Variants in MBP observed in about 807,000 individuals in gnomAD.
MBP encodes myelin basic protein, also known as Golli-MBP.
MBP carries 16 observed loss-of-function variants against 35.8 expected under a neutral mutation model. The ratio of observed to expected loss-of-function variants is 0.45; its 90% CI spans 0.30 to 0.68. The LOEUF is 0.68. Ranked by LOEUF, MBP falls within the 30% of genes least tolerant of loss-of-function variation. MBP has a pLI of 0.08. For synonymous variants in MBP, 143 were observed against 159.6 expected, an observed-to-expected ratio of 0.90 and a Z score of 0.78; for missense variants, 380 against 404.7, an observed-to-expected ratio of 0.94 and a Z score of 0.52.
At chr18:77,107,279 C>T (rs919596052) in intron 1 of MBP, among the ~76,000 whole-genome samples, 1 of 152,114 alleles carries the variant, frequency 6.6e-6, no homozygotes, top group African/African-American at 2.4e-5. Flanking sequence ...TTTGCCCATC[C>T]AGACATAAAT....
chr18:76,992,297 C>T (rs1329788859), intron 4 of MBP, among the ~76,000 whole-genome samples: 1 of 152,190 alleles, frequency 6.6e-6, no homozygotes, highest in African/African-American at 2.4e-5. Flanking sequence ...TGCACAACCT[C>T]GATCCCTCGA....
At position 76,979,961 on chromosome 18, in the gene MBP, GA is replaced by G. The variant is rs34008680; in HGVS notation, c.*465del. 1.7e-4 allele frequency: 117 copies of G among 692,782 alleles called. No homozygotes were observed. The highest frequency in any genetic ancestry group is 2.3e-4 in the Middle Eastern group (1 of 4,320). The allele number at this position is 692,782 out of a possible 1,614,324, so 42.9% of individuals were successfully genotyped here. The stretch of plus-strand genomic sequence containing the variant: ...ACTTTAGGAGGTGAGAGAAGGACAG[GA>G]AAAAAAAACAAAGGAAGCTTGGATG... On this transcript the variant is annotated 3_prime_UTR_variant, in exon 9 of 9. Transcript: ENST00000355994.
intron 3 of MBP, among the ~76,000 whole-genome samples, chr18:77,029,706 A>G (rs1910145349): frequency 6.6e-6 from 1 of 152,112 alleles, no homozygotes; most frequent in Admixed American, 6.6e-5. Flanking sequence ...TTGGTAGCGC[A>G]TCTAGTTAGG....
At position 77,066,284 on chromosome 18, in the gene MBP, T is replaced by A; in HGVS notation, c.139+14A>T. On this transcript the variant is annotated intron_variant, in intron 3 of 8. Coordinates refer to ENST00000355994, the MANE Select transcript of MBP (RefSeq NM_001025101.2). ...ACCATGTGGCGCCATGTTGCCGATA[T>A]CTGCGTCACCTACCGAACACTTCGT... 2 of 1,607,308 alleles carry A rather than the reference T, an allele frequency of 1.2e-6. No individual in the cohort carries two copies.
At chr18:77,111,481 C>T (rs1976448293) in intron 1 of MBP, among the ~76,000 whole-genome samples, 1 of 152,234 alleles carries the variant, frequency 6.6e-6, no homozygotes, top group Non-Finnish European at 1.5e-5. Flanking sequence ...TGTAGAGACG[C>T]TAAAGGCCAG....
intron 4 of MBP, chr18:77,009,831 G>T: frequency 6.4e-7 from 1 of 1,558,646 alleles, no homozygotes; most frequent in Non-Finnish European, 8.7e-7. Flanking sequence ...GATGGGTGAG[G>T]ACCCGCCGGC....
At chr18:77,105,127 T>G (rs775812405) in intron 2 of MBP, 84 bp downstream of exon 2, 95 of 1,295,120 alleles carry the variant, frequency 7.3e-5, no homozygotes, top group Non-Finnish European at 1.0e-4. Flanking sequence ...CAAGAGCCCA[T>G]GCCCGTAGCC....
chr18:77,131,589 G>A lies in MBP; in HGVS notation c.-26+991C>T. 1 of 152,294 alleles carries A rather than the reference G, an allele frequency of 6.6e-6. No homozygotes were observed. The highest frequency in any genetic ancestry group is 1.5e-5 in the Non-Finnish European group (1 of 68,054). The allele number at this position is 152,294 out of a possible 1,614,324, so 9.4% of individuals were successfully genotyped here. ...AGGAACCAGAGCTCGCCTGTTTCCA[G>A]CCAGAGTCGCACGGGGGTCCCCAAA... On this transcript the variant is annotated intron_variant, in intron 1 of 8. Coordinates refer to ENST00000355994, the MANE Select transcript of MBP (RefSeq NM_001025101.2). The surrounding 1 kb of genome is among the most constrained non-coding windows in gnomAD (Gnocchi z 5.5).
chr18:76,999,754 T>C (rs1409431296), intron 4 of MBP, among the ~76,000 whole-genome samples: 2 of 152,124 alleles, frequency 1.3e-5, no homozygotes, highest in Non-Finnish European at 2.9e-5. Flanking sequence ...CCACCACACA[T>C]GGCCTGCTTA....
chr18:77,025,129 G>A lies in MBP; in HGVS notation c.140-7861C>T, dbSNP rs554431459. On this transcript the variant is annotated intron_variant, in intron 3 of 8. Transcript: ENST00000355994. ...AGGTGGGATTGATGGAGGAGCTGCC[G>A]TTCACTCCTGCCTAAACTCCCTCCG... 8.5e-5 allele frequency among the ~76,000 whole-genome samples: 13 copies of A among 152,272 alleles called. No homozygotes were observed. In the East Asian group the frequency reaches 1.4e-3, roughly 16 times the overall value.
At chr18:77,113,894 A>C (rs1053317171) in intron 1 of MBP, 1 of 152,232 alleles carries the variant, frequency 6.6e-6, no homozygotes, top group Non-Finnish European at 1.5e-5. Context: ...ACAATGTCAA[A>C]ACTCATCTGA....
chr18:77,065,195 A>C (rs981508476), intron 3 of MBP, among the ~76,000 whole-genome samples: 2 of 152,306 alleles, frequency 1.3e-5, no homozygotes, highest in East Asian at 1.9e-4. Flanking sequence ...AAAGAAAATA[A>C]ATTTATTCCT....
rs775306179 is a variant in MBP at position 76,984,911 on chromosome 18, C to T, written c.751-17G>A. The T allele has an allele frequency of 8.1e-6, 13 of 1,611,904 alleles. No homozygotes were observed. Among genetic ancestry groups the T allele is most frequent in the East Asian group, 4.5e-5 (2 of 44,884 alleles). The stretch of plus-strand genomic sequence containing the variant: ...TTCGGCCCCCTGCAAGAGAAGACCA[C>T]GGAGCTCAACCTCCACCCGCGGTGC... On this transcript the variant is annotated splice_polypyrimidine_tract_variant and intron_variant, in intron 7 of 8. Coordinates refer to ENST00000355994, the MANE Select transcript of MBP (RefSeq NM_001025101.2).
chr18:76,984,416 C>T lies in MBP; in HGVS notation c.870+359G>A, dbSNP rs558144288. ...TCCAGGGATCTCCCCCCGACACCCACGTCTGCTTGACTCCTGCTTTAGCTC... is the reference window on the plus strand; with the variant it reads ...TCCAGGGATCTCCCCCCGACACCCATGTCTGCTTGACTCCTGCTTTAGCTC... On this transcript the variant is annotated intron_variant, in intron 8 of 8. Coordinates refer to ENST00000355994, the MANE Select transcript of MBP (RefSeq NM_001025101.2). 4.4e-4 allele frequency: 117 copies of T among 266,736 alleles called. 2 individuals are homozygous for T. The South Asian group carries it at 4.9e-3, about 11-fold the overall frequency. 16.5% of individuals were successfully genotyped at this position (266,736 alleles called of 1,614,324 possible).
In MBP at chr18:76,988,053, A is replaced by G; in HGVS notation, c.750+442T>C. 7.0e-7 allele frequency: 1 copy of G among 1,427,126 alleles called. No individual in the cohort carries two copies. Among genetic ancestry groups the G allele is most frequent in the Non-Finnish European group, 9.2e-7 (1 of 1,091,944 alleles). 88.4% of individuals were successfully genotyped at this position (1,427,126 alleles called of 1,614,324 possible). On this transcript the variant is annotated intron_variant, in intron 7 of 8. Coordinates refer to ENST00000355994, the MANE Select transcript of MBP (RefSeq NM_001025101.2). This position sits in a 1 kb window ranked among gnomAD's most constrained non-coding sequence, Gnocchi z 5.2. The stretch of plus-strand genomic sequence containing the variant: ...CTCTATTTAGCCTCTTTTTCTGTTC[A>G]TCAGCAGAATCATTTTCCCAGTGTC...
At position 76,988,185 on chromosome 18, in the gene MBP, G is replaced by C. The variant is rs981234434; in HGVS notation, c.750+310C>G. ...GAGGAAGTTAAACATTTTCTCGGAC[G>C]TGGTGTTGCTCCCTCCCTGGGAGGG... On this transcript the variant is annotated intron_variant, in intron 7 of 8. Transcript: ENST00000355994. The surrounding 1 kb of genome is among the most constrained non-coding windows in gnomAD (Gnocchi z 5.2). 6.5e-7 allele frequency: 1 copy of C among 1,544,578 alleles called. No homozygotes were observed. Among genetic ancestry groups the C allele is most frequent in the Non-Finnish European group, 8.7e-7 (1 of 1,146,876 alleles).
At chr18:77,048,684 G>A (rs552180491) in intron 3 of MBP, among the ~76,000 whole-genome samples, 1 of 152,098 alleles carries the variant, frequency 6.6e-6, no homozygotes, top group South Asian at 2.1e-4. Flanking sequence ...GGCTGGTCTC[G>A]AACTCCTGAC....
Position 76,989,916 on chromosome 18 carries a change from C to G in MBP, c.681+40G>C, listed in dbSNP as rs752163545. The G allele has an allele frequency of 5.2e-6, 8 of 1,530,102 alleles. No individual in the cohort carries two copies. In the African/African-American group the frequency reaches 1.1e-4, roughly 21 times the overall value. 94.8% of individuals were successfully genotyped at this position (1,530,102 alleles called of 1,614,324 possible). ...CAGCAGTGGCCAGCACCCCTCCTCC[C>G]CCTCACAGTTGCTACCTCTTCCCAT... On this transcript the variant is annotated intron_variant, in intron 5 of 8. Coordinates refer to ENST00000355994, the MANE Select transcript of MBP (RefSeq NM_001025101.2). This position sits in a 1 kb window ranked among gnomAD's most constrained non-coding sequence, Gnocchi z 4.0.
At chr18:77,027,423 C>T (rs541777487) in intron 3 of MBP, among the ~76,000 whole-genome samples, 3 of 152,236 alleles carry the variant, frequency 2.0e-5, no homozygotes, top group South Asian at 4.1e-4. Context: ...GAGGCTGCAA[C>T]GTCTAGCCCT....
Sources: allele counts gnomAD v4.1 joint callset (sites outside exome capture counted in the v4.1 genomes callset), GRCh38; gene constraint gnomAD v4.1.1; non-coding constraint Gnocchi (gnomAD v3.1); transcripts MANE v1.5; gene names NCBI Gene and HGNC (gene_info 2026-07-23, HGNC 2026-07-21).